The following SETBP1 variants were observed in gnomAD, a reference collection of about 807,000 sequenced individuals.
The protein encoded by SETBP1 is SET-binding protein.
In SETBP1, 9 loss-of-function variants were observed where a neutral mutation model predicts 101.0. The ratio of observed to expected loss-of-function variants is 0.09; its 90% CI spans 0.05 to 0.16. SETBP1 has a LOEUF of 0.16. Ranked by LOEUF, SETBP1 falls within the 10% of genes least tolerant of loss-of-function variation. SETBP1 has a pLI of 1.00. For missense variants in SETBP1, 1,858 were observed against 2,033.8 expected (o/e 0.91, Z 1.66); for synonymous variants, 818 against 788.5 (o/e 1.04, Z -0.63).
At chr18:44,883,355 G>A (rs1206840024) in intron 3 of SETBP1, among the ~76,000 whole-genome samples, 1 of 152,126 alleles carries the variant, frequency 6.6e-6, no homozygotes, top group Non-Finnish European at 1.5e-5. Flanking sequence ...ACATAAATTC[G>A]GTTCTTGCAA....
In SETBP1 at chr18:44,875,695, G is replaced by A. The variant is rs869052; in HGVS notation, c.540+6412G>A. 5.2e-3 allele frequency among the ~76,000 whole-genome samples: 791 copies of A among 152,218 alleles called. 8 individuals carry two copies. Among genetic ancestry groups the A allele is most frequent in the African/African-American group, 0.018 (734 of 41,526 alleles). The stretch of plus-strand genomic sequence containing the variant: ...TTAGTATATATAGATGCCGGAAGAT[G>A]TTCTTTGAATTTTACGTGTATTTTG... On this transcript the variant is annotated intron_variant, in intron 3 of 5. Transcript: ENST00000649279.
intron 3 of SETBP1, among the ~76,000 whole-genome samples, chr18:44,917,992 T>C (rs1169682164): frequency 6.6e-6 from 1 of 152,118 alleles, no homozygotes; most frequent in Non-Finnish European, 1.5e-5. Flanking sequence ...TTAAATGGAC[T>C]TGTTCACCAT....
rs537535210 is a variant in SETBP1, at chr18:45,044,579, C to A, written c.4171+5924C>A. On this transcript the variant is annotated intron_variant, in intron 5 of 5. Coordinates refer to ENST00000649279, the MANE Select transcript of SETBP1 (RefSeq NM_015559.3). ...AAGCTCTTTTCTGATTTAATCTGAACCTCCTAGAGCAGCTGAGCTTCTCCT... is the reference window on the plus strand; with the variant it reads ...AAGCTCTTTTCTGATTTAATCTGAAACTCCTAGAGCAGCTGAGCTTCTCCT... 1.4e-3 allele frequency among the ~76,000 whole-genome samples: 214 copies of A among 152,218 alleles called. 1 individual carries two copies. Among genetic ancestry groups the A allele is most frequent in the South Asian group, 7.1e-3 (34 of 4,818 alleles).
At chr18:44,884,242 C>A (rs2069592239) in intron 3 of SETBP1, among the ~76,000 whole-genome samples, 1 of 152,162 alleles carries the variant, frequency 6.6e-6, no homozygotes, top group Admixed American at 6.5e-5. Context: ...TCCTCTGAGC[C>A]TCAGTGTTCT....
In SETBP1 at chr18:44,949,984, G is replaced by A. The variant is rs2071298341; in HGVS notation, c.644G>A (p.Ser215Asn). 2 of 1,614,184 alleles carry A rather than the reference G, an allele frequency of 1.2e-6. No homozygotes were observed. The highest frequency in any genetic ancestry group is 1.7e-6 in the Non-Finnish European group (2 of 1,180,036). The change falls in exon 4 of 6, where the codon AGC becomes AAC. Residue 215 changes from serine to asparagine, a missense_variant. Ser to Asn is a conservative substitution (Grantham distance 46). Coordinates refer to ENST00000649279, the MANE Select transcript of SETBP1 (RefSeq NM_015559.3). Reference protein sequence around the residue: ...TLKPKHQQKSSSQNHMDWSTN... With the variant: ...TLKPKHQQKSNSQNHMDWSTN... Reference sequence around the variant, plus strand: ...AAACCAAAGCACCAGCAAAAAAGCAGCAGCCAGAACCACATGGACTGGTCC... The same window carrying A: ...AAACCAAAGCACCAGCAAAAAAGCAACAGCCAGAACCACATGGACTGGTCC...
chr18:45,062,848 C>A (rs1485244595), intron 5 of SETBP1, among the ~76,000 whole-genome samples: 5 of 152,066 alleles, frequency 3.3e-5, no homozygotes, highest in Admixed American at 1.3e-4. Context: ...GTTGGGAGGA[C>A]TGAAATCATG....
intron 2 of SETBP1, among the ~76,000 whole-genome samples, chr18:44,746,799 A>C (rs1006942421): frequency 3.3e-5 from 5 of 152,232 alleles, no homozygotes; most frequent in African/African-American, 1.2e-4. Flanking sequence ...GTCTGTGCCA[A>C]CATGGAGTCT....
intron 2 of SETBP1, among the ~76,000 whole-genome samples, chr18:44,749,290 A>G (rs1028840979): frequency 3.9e-5 from 6 of 152,228 alleles, no homozygotes; most frequent in African/African-American, 1.4e-4. Flanking sequence ...AGGCGCAGAG[A>G]TGCAAGTGAT....
intron 3 of SETBP1, among the ~76,000 whole-genome samples, chr18:44,936,726 C>T (rs576267436): frequency 3.3e-5 from 5 of 152,166 alleles, no homozygotes; most frequent in Admixed American, 1.3e-4. Context: ...CCAGAGCCAT[C>T]CAAGGACACG....
At chr18:44,698,532 A>T (rs1465006821) in intron 1 of SETBP1, among the ~76,000 whole-genome samples, 1 of 152,148 alleles carries the variant, frequency 6.6e-6, no homozygotes, top group African/African-American at 2.4e-5. Context: ...ACGCCTGCCC[A>T]GGACGTGGCC....
rs2071197322 is a variant in SETBP1 at position 44,784,483 on chromosome 18, C to T, written c.486+82651C>T. On this transcript the variant is annotated intron_variant, in intron 2 of 5. Transcript: ENST00000649279. ...CTTAGGTTTGGATCACATGTCACTT[C>T]CTCAGAGGGCCTTTGCAGATTCTTG... 2.6e-5 allele frequency among the ~76,000 whole-genome samples: 4 copies of T among 152,356 alleles called. No individual in the cohort carries two copies. The South Asian group carries it at 8.3e-4, about 32-fold the overall frequency.
chr18:45,023,651 C>G (rs1253589510), intron 4 of SETBP1, among the ~76,000 whole-genome samples: 1 of 152,168 alleles, frequency 6.6e-6, no homozygotes, highest in African/African-American at 2.4e-5. Context: ...TGGCAGAGAT[C>G]GAGCAATTAG....
At chr18:44,929,585 T>G (rs563029792) in intron 3 of SETBP1, among the ~76,000 whole-genome samples, 1 of 152,336 alleles carries the variant, frequency 6.6e-6, no homozygotes, top group Admixed American at 6.5e-5. Flanking sequence ...TGTTCTTCCA[T>G]CTGTTTGTAT....
intron 4 of SETBP1, among the ~76,000 whole-genome samples, chr18:45,016,609 T>C (rs978989184): frequency 2.6e-5 from 4 of 152,188 alleles, no homozygotes; most frequent in Non-Finnish European, 5.9e-5. Context: ...GCAATAAATA[T>C]GCTGCTTCAA....
chr18:44,967,207 G>A (rs1247151431), intron 4 of SETBP1, among the ~76,000 whole-genome samples: 1 of 152,176 alleles, frequency 6.6e-6, no homozygotes, highest in African/African-American at 2.4e-5. Flanking sequence ...TGGTGGATAA[G>A]TAACAAAATA....
intron 4 of SETBP1, among the ~76,000 whole-genome samples, chr18:44,976,706 G>A (rs1369449458): frequency 3.9e-5 from 6 of 152,208 alleles, no homozygotes; most frequent in Non-Finnish European, 8.8e-5. Context: ...TCACTAGCTG[G>A]ATGATATGGG....
Position 44,835,440 on chromosome 18 carries a change from A to G in SETBP1, c.487-33790A>G, listed in dbSNP as rs77567754. ...TGTGCTCATGCTGAAATCTCTCTCC[A>G]GATAAAAGCCCATCTGATTAAGATT... On this transcript the variant is annotated intron_variant, in intron 2 of 5. Coordinates refer to ENST00000649279, the MANE Select transcript of SETBP1 (RefSeq NM_015559.3). 4.6e-3 allele frequency among the ~76,000 whole-genome samples: 704 copies of G among 152,266 alleles called. 4 individuals are homozygous for G. The highest frequency in any genetic ancestry group is 0.012 in the African/African-American group (506 of 41,552).
At chr18:44,705,350 T>A (rs371959091) in intron 2 of SETBP1, among the ~76,000 whole-genome samples, 3 of 152,240 alleles carry the variant, frequency 2.0e-5, no homozygotes, top group African/African-American at 7.2e-5. Flanking sequence ...ACAGAGGTAC[T>A]ATGACCTTCA....
chr18:44,806,538 T>G (rs1019536920), intron 2 of SETBP1, among the ~76,000 whole-genome samples: 1 of 149,922 alleles, frequency 6.7e-6, no homozygotes, highest in African/African-American at 2.4e-5. Context: ...TAGTAACACT[T>G]AAACTCTTAA....
Sources: gnomAD v4.1 joint callset for allele counts (sites outside exome capture counted in the v4.1 genomes callset) on GRCh38, gnomAD v4.1.1 for gene constraint, MANE v1.5 for transcripts, NCBI Gene and HGNC (gene_info 2026-07-23, HGNC 2026-07-21) for gene names.